The following MCTP1 variants were observed in gnomAD, a reference collection of about 807,000 sequenced individuals.
MCTP1 encodes the protein multiple C2 and transmembrane domain-containing protein 1.
A neutral mutation model predicts 120.6 loss-of-function variants in MCTP1; 69 were observed. That is an observed-to-expected ratio of 0.57 (90% CI 0.47 to 0.70). The LOEUF is 0.70. Ranked by LOEUF, MCTP1 falls within the 30% of genes least tolerant of loss-of-function variation. MCTP1 has a pLI of 0.00. For synonymous variants in MCTP1, 529 were observed against 493.1 expected, an observed-to-expected ratio of 1.07 and a Z score of -0.96; for missense variants, 1,203 against 1,248.8, an observed-to-expected ratio of 0.96 and a Z score of 0.55.
intron 16 of MCTP1, among the ~76,000 whole-genome samples, chr5:94,869,589 T>C (rs1456265721): frequency 6.6e-6 from 1 of 152,048 alleles, no homozygotes; most frequent in Non-Finnish European, 1.5e-5. Context: ...AATACTCCAT[T>C]GTTTTGCTGG....
Position 95,284,108 on chromosome 5 carries a change from A to C in MCTP1, c.468T>G (p.Ala156=). ...TPPGGRSPDS[A]PSSSSASSSL... ...AGGATGAGGCGGAGGAAGAGGAAGG[A>C]GCTGAGTCGGGGGAGCGTCCGCCAG... Residue 156 remains alanine (A), a synonymous_variant, in exon 1 of 23, where the codon GCT becomes GCG. Transcript: ENST00000515393. The surrounding 1 kb of genome is among the most constrained non-coding windows in gnomAD (Gnocchi z 5.2). 1 of 1,551,346 alleles carries C rather than the reference A, an allele frequency of 6.4e-7. No individual in the cohort carries two copies. Among genetic ancestry groups the C allele is most frequent in the Non-Finnish European group, 8.7e-7 (1 of 1,147,262 alleles).
intron 1 of MCTP1, among the ~76,000 whole-genome samples, chr5:95,231,343 T>C (rs1013046251): frequency 6.6e-6 from 1 of 152,114 alleles, no homozygotes; most frequent in Non-Finnish European, 1.5e-5. Flanking sequence ...TAAGGATATA[T>C]ATATATATAC....
At chr5:94,920,956 T>C (rs1811514516) in intron 7 of MCTP1, among the ~76,000 whole-genome samples, 1 of 152,108 alleles carries the variant, frequency 6.6e-6, no homozygotes, top group African/African-American at 2.4e-5. Flanking sequence ...ATATGAAGTA[T>C]CTTGGCACGT....
At chr5:95,165,746 G>A (rs747405199) in intron 1 of MCTP1, among the ~76,000 whole-genome samples, 1 of 152,178 alleles carries the variant, frequency 6.6e-6, no homozygotes, top group Non-Finnish European at 1.5e-5. Flanking sequence ...TTCCAACTCT[G>A]AGAGGGACTT....
In MCTP1 at chr5:94,954,059, A is replaced by AAT. The variant is rs1221701466; in HGVS notation, c.839-700_839-699dup. 2.6e-4 allele frequency among the ~76,000 whole-genome samples: 16 copies of AAT among 60,774 alleles called. 1 individual carries two copies. The highest frequency in any genetic ancestry group is 5.1e-4 in the African/African-American group (6 of 11,748). 39.9% of individuals were successfully genotyped at this position (60,774 alleles called of 152,430 possible). A position where few individuals can be genotyped will look rare whatever the true frequency, so the allele number is the denominator to read the frequency against. Reference sequence around the variant, plus strand: ...AAATATATATATGCATATATATACAAATATATATGCATATATATACAAATA... The same window carrying AAT: ...AAATATATATATGCATATATATACAAATATATATATGCATATATATACAAATA... On this transcript the variant is annotated intron_variant, in intron 2 of 22. Coordinates refer to ENST00000515393, the MANE Select transcript of MCTP1 (RefSeq NM_024717.7).
At chr5:95,153,785 G>T (rs1744796570) in intron 1 of MCTP1, among the ~76,000 whole-genome samples, 1 of 152,190 alleles carries the variant, frequency 6.6e-6, no homozygotes, top group African/African-American at 2.4e-5. Flanking sequence ...GAAATGGAGT[G>T]TTCCTTTGCC....
rs190486021 is a variant in MCTP1, at chr5:95,276,702, C to T, written c.720+7154G>A. 2.5e-3 allele frequency among the ~76,000 whole-genome samples: 385 copies of T among 151,630 alleles called. 6 individuals are homozygous for T. The highest frequency in any genetic ancestry group is 0.018 in the Admixed American group (280 of 15,254). ...CGGTGGCTCACGCCTGTAATCCCAG[C>T]ACTTTGGGAGGCGGCTGAGGCAGGT... On this transcript the variant is annotated intron_variant, in intron 1 of 22. Transcript: ENST00000515393.
At chr5:95,025,368 C>A (rs1021616305) in intron 1 of MCTP1, among the ~76,000 whole-genome samples, 3 of 152,088 alleles carry the variant, frequency 2.0e-5, no homozygotes, top group Non-Finnish European at 2.9e-5. Context: ...TATCCACCTG[C>A]AGACAATGAA....
chr5:94,824,034 A>T (rs985653987), intron 17 of MCTP1, among the ~76,000 whole-genome samples: 2 of 152,116 alleles, frequency 1.3e-5, no homozygotes, highest in African/African-American at 4.8e-5. Context: ...AATACGCTTT[A>T]TTTCTCTCTC....
chr5:95,066,505 TC>T (rs1490069536), intron 1 of MCTP1, among the ~76,000 whole-genome samples: 2 of 152,166 alleles, frequency 1.3e-5, no homozygotes, highest in Non-Finnish European at 2.9e-5. Context: ...TGGGTATATA[TC>T]CAAAGGAAAT....
chr5:95,017,047 G>A (rs73138046), intron 2 of MCTP1, among the ~76,000 whole-genome samples: 1 of 152,090 alleles, frequency 6.6e-6, no homozygotes, highest in Admixed American at 6.6e-5. Flanking sequence ...GGTAAGTTCT[G>A]ACATGGCTTC....
rs187690090 is a variant in MCTP1 at position 95,069,019 on chromosome 5, A to G, written c.721-51535T>C. Among the ~76,000 whole-genome samples the G allele has an allele frequency of 5.3e-5, 8 of 150,000 alleles. No homozygotes were observed. In the East Asian group the frequency reaches 1.6e-3, roughly 29 times the overall value. On this transcript the variant is annotated intron_variant, in intron 1 of 22. Coordinates refer to ENST00000515393, the MANE Select transcript of MCTP1 (RefSeq NM_024717.7). Reference sequence around the variant, plus strand: ...GAAACAACAGAACAGCCTGTGCTACATACGTAATTAAAACAGATGTTCTCA... The same window carrying G: ...GAAACAACAGAACAGCCTGTGCTACGTACGTAATTAAAACAGATGTTCTCA...
At chr5:94,961,966 G>A (rs1048438609) in intron 2 of MCTP1, among the ~76,000 whole-genome samples, 1 of 151,978 alleles carries the variant, frequency 6.6e-6, no homozygotes, top group African/African-American at 2.4e-5. Flanking sequence ...TATATAAATT[G>A]TGAAGATTTT....
rs147363767 is a variant in MCTP1, at chr5:94,822,592, G to T, written c.2437-23460C>A. Among the ~76,000 whole-genome samples the T allele has an allele frequency of 6.0e-3, 907 of 152,228 alleles. 10 individuals are homozygous for T. Among genetic ancestry groups the T allele is most frequent in the African/African-American group, 0.021 (865 of 41,522 alleles). ...ATATACCCAGTAATGAGATTGCTGG[G>T]TCAGGTGGTATTTCTAGTTCTAGAT... On this transcript the variant is annotated intron_variant, in intron 17 of 22. Transcript: ENST00000515393.
chr5:94,870,979 G>A lies in MCTP1; in HGVS notation c.2140-6C>T. The A allele has an allele frequency of 1.2e-6, 2 of 1,611,076 alleles. No individual in the cohort carries two copies. Among genetic ancestry groups the A allele is most frequent in the Non-Finnish European group, 1.7e-6 (2 of 1,177,674 alleles). ...TTCTGTTCACCATTTTGAATCTGCG[G>A]GAAAAGGACATGACAGCCGTCTGTC... On this transcript the variant is annotated splice_polypyrimidine_tract_variant and splice_region_variant and intron_variant, in intron 14 of 22. Coordinates refer to ENST00000515393, the MANE Select transcript of MCTP1 (RefSeq NM_024717.7).
chr5:94,993,795 A>G (rs1246229410), intron 2 of MCTP1, among the ~76,000 whole-genome samples: 2 of 152,202 alleles, frequency 1.3e-5, no homozygotes, highest in Non-Finnish European at 2.9e-5. Context: ...AAAGAAATGT[A>G]GGCATTAAAA....
chr5:95,193,410 C>T (rs1159141520), intron 1 of MCTP1, among the ~76,000 whole-genome samples: 1 of 152,144 alleles, frequency 6.6e-6, no homozygotes, highest in African/African-American at 2.4e-5. Context: ...ATTCAAGCTT[C>T]ATCATTCTGA....
chr5:94,821,097 T>C (rs1037721183), intron 17 of MCTP1, among the ~76,000 whole-genome samples: 2 of 152,202 alleles, frequency 1.3e-5, no homozygotes, highest in Non-Finnish European at 2.9e-5. Context: ...AATTTCATCG[T>C]CTGTATATAG....
At position 94,960,992 on chromosome 5, in the gene MCTP1, C is replaced by A. The variant is rs533834193; in HGVS notation, c.839-7631G>T. Among the ~76,000 whole-genome samples the A allele has an allele frequency of 2.0e-5, 3 of 152,182 alleles. No homozygotes were observed. In the East Asian group the frequency reaches 5.8e-4, roughly 29 times the overall value. Reference sequence around the variant, plus strand: ...GCACACGTATGTTTACTGCGGCACTCTTCATGGTAGCAAAGACTTAGAACC... The same window carrying A: ...GCACACGTATGTTTACTGCGGCACTATTCATGGTAGCAAAGACTTAGAACC... On this transcript the variant is annotated intron_variant, in intron 2 of 22. Transcript: ENST00000515393.
Sources: gnomAD v4.1 joint callset for allele counts (sites outside exome capture counted in the v4.1 genomes callset) on GRCh38, gnomAD v4.1.1 for gene constraint, Gnocchi (gnomAD v3.1) non-coding constraint, MANE v1.5 for transcripts, NCBI Gene and HGNC (gene_info 2026-07-23, HGNC 2026-07-21) for gene names.